Variants in MAGI2 observed in about 807,000 individuals in gnomAD.
The protein encoded by MAGI2 is membrane associated guanylate kinase, WW and PDZ domain containing 2.
A neutral mutation model predicts 133.3 loss-of-function variants in MAGI2; 35 were observed. The ratio of observed to expected loss-of-function variants is 0.26; its 90% CI spans 0.20 to 0.35. The LOEUF is 0.35. Among genes scored for constraint, MAGI2 ranks in the 10% least tolerant of loss-of-function variants. The probability of loss-of-function intolerance (pLI) is 1.00; values close to 1 mark genes in which losing one functional copy is unlikely to be tolerated. For missense variants in MAGI2, 1,636 were observed against 1,863.4 expected (o/e 0.88, Z 2.25); for synonymous variants, 729 against 710.6 (o/e 1.03, Z -0.41).
chr7:78,609,663 C>T (rs1281792182), intron 3 of MAGI2, among the ~76,000 whole-genome samples: 1 of 152,162 alleles, frequency 6.6e-6, no homozygotes, highest in Non-Finnish European at 1.5e-5. Context: ...AACCTTCATT[C>T]CTGAGGGGTA....
intron 1 of MAGI2, among the ~76,000 whole-genome samples, chr7:79,022,058 C>A (rs1809386443): frequency 6.6e-6 from 1 of 152,146 alleles, no homozygotes. Context: ...TGCCCTCCAC[C>A]ATGATTATAA....
At chr7:78,916,150 T>C (rs1034749705) in intron 2 of MAGI2, among the ~76,000 whole-genome samples, 3 of 152,116 alleles carry the variant, frequency 2.0e-5, no homozygotes, top group Non-Finnish European at 4.4e-5. Flanking sequence ...CTTTTAGACA[T>C]GGAAATGTTG....
intron 1 of MAGI2, among the ~76,000 whole-genome samples, chr7:79,103,154 C>T (rs991397745): frequency 6.6e-6 from 1 of 152,176 alleles, no homozygotes. Context: ...TCCTGACACA[C>T]AGAAAAAGAT....
intron 14 of MAGI2, among the ~76,000 whole-genome samples, chr7:78,171,811 G>A (rs1475631114): frequency 1.3e-5 from 2 of 152,140 alleles, no homozygotes; most frequent in East Asian, 1.9e-4. Context: ...AGCCCAGGGG[G>A]ACTCTTCAGC....
intron 20 of MAGI2, among the ~76,000 whole-genome samples, chr7:78,104,773 C>T (rs959849309): frequency 2.0e-5 from 3 of 152,142 alleles, no homozygotes; most frequent in African/African-American, 4.8e-5. Flanking sequence ...CGGATCCCTG[C>T]CTCTCATCTC....
chr7:78,888,120 C>T (rs1796418295), intron 2 of MAGI2, among the ~76,000 whole-genome samples: 1 of 152,204 alleles, frequency 6.6e-6, no homozygotes, highest in Admixed American at 6.5e-5. Flanking sequence ...ACCCACAGAA[C>T]CTCGCTCATT....
At chr7:79,334,794 T>C (rs543706315) in intron 1 of MAGI2, among the ~76,000 whole-genome samples, 4 of 152,172 alleles carry the variant, frequency 2.6e-5, no homozygotes, top group Admixed American at 1.3e-4. Context: ...AATGATGACA[T>C]AGTCTGTCCT....
chr7:78,768,585 G>A (rs527804017), intron 2 of MAGI2, among the ~76,000 whole-genome samples: 1 of 152,108 alleles, frequency 6.6e-6, no homozygotes, highest in Non-Finnish European at 1.5e-5. Flanking sequence ...CCCTTCAGTG[G>A]AGCAAATATT....
chr7:79,260,018 T>G (rs924659645), intron 1 of MAGI2, among the ~76,000 whole-genome samples: 2 of 152,220 alleles, frequency 1.3e-5, no homozygotes, highest in Non-Finnish European at 2.9e-5. Flanking sequence ...GTACCGACAA[T>G]ACAAATGTAT....
chr7:78,521,792 A>T, intron 3 of MAGI2, 147 bp from the exon 4 acceptor site: 1 of 627,150 alleles, frequency 1.6e-6, no homozygotes, highest in Non-Finnish European at 2.8e-6. Flanking sequence ...ATGGTTTTCT[A>T]TCTATGTGTC....
At chr7:78,055,894 C>T (rs1038929876) in intron 21 of MAGI2, among the ~76,000 whole-genome samples, 20 of 152,296 alleles carry the variant, frequency 1.3e-4, no homozygotes, top group African/African-American at 4.8e-4. Context: ...GTAACCTCCG[C>T]TGAAGGCTTA....
chr7:79,260,013 G>A (rs777618096), intron 1 of MAGI2, among the ~76,000 whole-genome samples: 42 of 152,252 alleles, frequency 2.8e-4, no homozygotes, highest in Middle Eastern at 3.4e-3. Flanking sequence ...ATATTGTACC[G>A]ACAATACAAA....
intron 9 of MAGI2, among the ~76,000 whole-genome samples, chr7:78,269,441 A>G (rs1198351155): frequency 6.6e-6 from 1 of 152,174 alleles, no homozygotes; most frequent in Non-Finnish European, 1.5e-5. Flanking sequence ...CCTCTCCAGC[A>G]TCTGTTGTTT....
At chr7:78,840,853 A>G (rs1475724748) in intron 2 of MAGI2, among the ~76,000 whole-genome samples, 3 of 150,068 alleles carry the variant, frequency 2.0e-5, no homozygotes, top group Middle Eastern at 3.2e-3. Context: ...TTTCATTTGT[A>G]TGGTAGAAAT....
chr7:78,135,470 T>A (rs1822014910), intron 16 of MAGI2, among the ~76,000 whole-genome samples: 1 of 152,120 alleles, frequency 6.6e-6, no homozygotes, highest in African/African-American at 2.4e-5. Context: ...ATAATTAACC[T>A]AGAGTTAAAA....
intron 9 of MAGI2, among the ~76,000 whole-genome samples, chr7:78,315,926 A>G (rs978849799): frequency 1.3e-5 from 2 of 152,020 alleles, no homozygotes; most frequent in African/African-American, 4.8e-5. Flanking sequence ...AATTTCCTAT[A>G]CTTTCTCTGG....
chr7:78,041,953 G>C (rs560258344), intron 21 of MAGI2, among the ~76,000 whole-genome samples: 2 of 152,288 alleles, frequency 1.3e-5, no homozygotes, highest in Admixed American at 1.3e-4. Flanking sequence ...CCCGCCCTGT[G>C]ATAGACACAG....
intron 1 of MAGI2, among the ~76,000 whole-genome samples, chr7:79,205,629 C>A (rs530838022): frequency 1.3e-5 from 2 of 151,360 alleles, no homozygotes; most frequent in African/African-American, 4.9e-5. Flanking sequence ...ATTTCTAAGA[C>A]TGAAAAACAA....
rs149465193 is a variant in MAGI2, at chr7:78,367,785, C to T, written c.1103+1371G>A. 7.4e-3 allele frequency among the ~76,000 whole-genome samples: 1,128 copies of T among 152,156 alleles called. 14 individuals carry two copies. The highest frequency in any genetic ancestry group is 0.025 in the African/African-American group (1,054 of 41,508). On this transcript the variant is annotated intron_variant, in intron 7 of 21. Coordinates refer to ENST00000354212, the MANE Select transcript of MAGI2 (RefSeq NM_012301.4). ...GATTCAGTGAATTAAGACAAGCTAG[C>T]ATTTATTTGAAATATTTAGTGTTAT...
Sources: allele counts gnomAD v4.1 joint callset (sites outside exome capture counted in the v4.1 genomes callset), GRCh38; gene constraint gnomAD v4.1.1; transcripts MANE v1.5; gene names NCBI Gene and HGNC (gene_info 2026-07-23, HGNC 2026-07-21).